The following MARK4 variants were observed in gnomAD, a reference collection of about 807,000 sequenced individuals.
The protein encoded by MARK4 is MAP/microtubule affinity-regulating kinase 4.
MARK4 carries 19 observed loss-of-function variants against 81.5 expected under a neutral mutation model. The ratio of observed to expected loss-of-function variants is 0.23; its 90% CI spans 0.16 to 0.34. The LOEUF (loss-of-function observed/expected upper bound fraction) is 0.34, where lower values mean the gene tolerates loss of function less well. Among genes scored for constraint, MARK4 ranks in the 10% least tolerant of loss-of-function variants. The pLI is 1.00. For missense variants in MARK4, 772 were observed against 1,058.8 expected (o/e 0.73, Z 3.76); for synonymous variants, 436 against 439.0 (o/e 0.99, Z 0.08).
At position 45,277,928 on chromosome 19, in the gene MARK4, G is replaced by A. The variant is rs370759371; in HGVS notation, c.792G>A (p.Leu264=). ...LPFDGHNLKE[L]RERVLRGKYR... is the part of the protein sequence containing the mutation. Reference sequence around the variant, plus strand: ...CAGTAACCCCATCCCTGCAGGAGCTGCGGGAGCGAGTACTCAGAGGGAAGT... The same window carrying A: ...CAGTAACCCCATCCCTGCAGGAGCTACGGGAGCGAGTACTCAGAGGGAAGT... Residue 264 remains leucine, a synonymous_variant, in exon 9 of 17, where the codon CTG becomes CTA. Coordinates refer to ENST00000262891, the MANE Select transcript of MARK4 (RefSeq NM_001199867.2). 3 of 1,612,908 alleles carry A rather than the reference G, an allele frequency of 1.9e-6. No individual in the cohort carries two copies. The highest frequency in any genetic ancestry group is 1.3e-5 in the African/African-American group (1 of 74,786).
intron 14 of MARK4, among the ~76,000 whole-genome samples, chr19:45,294,942 C>G (rs931969440): frequency 6.6e-6 from 1 of 152,112 alleles, no homozygotes; most frequent in Non-Finnish European, 1.5e-5. Flanking sequence ...CACTGCCCCC[C>G]ACCAGGGCTG....
chr19:45,297,156 C>T (rs531989676), intron 14 of MARK4, among the ~76,000 whole-genome samples: 1 of 152,098 alleles, frequency 6.6e-6, no homozygotes, highest in African/African-American at 2.4e-5. Context: ...GGAGGTCTGG[C>T]CCCTGCTGTC....
In MARK4 at chr19:45,301,908, C is replaced by G. The variant is rs146523210; in HGVS notation, c.1923-466C>G. ...GAAAAGGAAAAAGAAATTTCTCATT[C>G]AAACATTCAAACCATGTGGCCAAGC... is the stretch of plus-strand genomic sequence containing the variant. On this transcript the variant is annotated intron_variant, in intron 16 of 16. Coordinates refer to ENST00000262891, the MANE Select transcript of MARK4 (RefSeq NM_001199867.2). Among the ~76,000 whole-genome samples the G allele has an allele frequency of 1.6e-3, 237 of 151,638 alleles. 2 individuals carry two copies. Among genetic ancestry groups the G allele is most frequent in the African/African-American group, 5.4e-3 (224 of 41,360 alleles).
intron 7 of MARK4, among the ~76,000 whole-genome samples, chr19:45,270,287 A>G: frequency 6.6e-6 from 1 of 152,186 alleles, no homozygotes; most frequent in Admixed American, 6.6e-5. Flanking sequence ...TAAAGTTCAC[A>G]CAGCGAGTGA....
At chr19:45,274,675 C>T (rs1970576560) in intron 8 of MARK4, among the ~76,000 whole-genome samples, 2 of 152,162 alleles carry the variant, frequency 1.3e-5, no homozygotes. Flanking sequence ...CTCTGACACT[C>T]CGGCCATAGC....
intron 13 of MARK4, 103 bp from the exon 14 acceptor site, chr19:45,294,246 C>T: frequency 2.8e-6 from 3 of 1,076,706 alleles, no homozygotes; most frequent in East Asian, 2.5e-5. Context: ...CCCACATGAG[C>T]CCCTGACTTA....
Position 45,251,607 on chromosome 19 carries a change from C to G in MARK4, c.19C>G (p.Leu7Val). The G allele has an allele frequency of 8.1e-7, 1 of 1,237,058 alleles. No individual in the cohort carries two copies. Among genetic ancestry groups the G allele is most frequent in the Non-Finnish European group, 1.0e-6 (1 of 969,960 alleles). The allele number at this position is 1,237,058 out of a possible 1,614,324, so 76.6% of individuals were successfully genotyped here. A position where few individuals can be genotyped will look rare whatever the true frequency, so the allele number is the denominator to read the frequency against. Residue 7 changes from leucine (L) to valine (V), a missense_variant, in exon 1 of 17, where the codon CTG becomes GTG. Transcript: ENST00000262891. ...GGAGAAGATGTCTTCGCGGACGGTG[C>G]TGGCCCCGGGCAACGATCGGAACTC... MSSRTV[L>V]APGNDRNSDT...
At position 45,302,786 on chromosome 19, in the gene MARK4, G is replaced by T; in HGVS notation, c.*76G>T. 1 of 1,512,054 alleles carries T rather than the reference G, an allele frequency of 6.6e-7. No homozygotes were observed. The highest frequency in any genetic ancestry group is 8.8e-7 in the Non-Finnish European group (1 of 1,134,810). The allele number at this position is 1,512,054 out of a possible 1,614,324, so 93.7% of individuals were successfully genotyped here. The stretch of plus-strand genomic sequence containing the variant: ...TTCTACAGGAGGGGAAGGGGCCAGG[G>T]AGGGGATTCTCCCTTTATCATCACC... On this transcript the variant is annotated 3_prime_UTR_variant, in exon 17 of 17. Coordinates refer to ENST00000262891, the MANE Select transcript of MARK4 (RefSeq NM_001199867.2). This position sits in a 1 kb window ranked among gnomAD's most constrained non-coding sequence, Gnocchi z 4.9.
Position 45,271,488 on chromosome 19 carries a change from T to C in MARK4, c.566T>C (p.Leu189Pro), listed in dbSNP as rs1392491632. Residue 189 changes from leucine to proline, a missense_variant, in exon 8 of 17, where the codon CTG becomes CCG. By Grantham distance (98) the Leu-to-Pro change is moderately conservative (BLOSUM62 -3). Around this residue, in one of 3 missense-constraint regions of MARK4, gnomAD observed 109 missense variants for 294.7 expected, o/e 0.37. Coordinates refer to ENST00000262891, the MANE Select transcript of MARK4 (RefSeq NM_001199867.2). The surrounding 1 kb of genome is among the most constrained non-coding windows in gnomAD (Gnocchi z 4.1). ...TCCCTGCAGGCTGAGAACCTCTTGC[T>C]GGATGCCGAGGCCAACATCAAGATT... ...HRDLKAENLL[L>P]DAEANIKIAD... 6.2e-7 allele frequency: 1 copy of C among 1,614,198 alleles called. No homozygotes were observed. The highest frequency in any genetic ancestry group is 1.7e-5 in the Admixed American group (1 of 60,026).
intron 15 of MARK4, among the ~76,000 whole-genome samples, chr19:45,298,539 C>T (rs1044026705): frequency 3.9e-5 from 6 of 152,140 alleles, no homozygotes; most frequent in Non-Finnish European, 8.8e-5. Context: ...ATGGACTGAG[C>T]GTAGAACATT....
At position 45,282,229 on chromosome 19, in the gene MARK4, T is replaced by TAAAAAA. The variant is rs767436315; in HGVS notation, c.1276+1506_1276+1511dup. Among the ~76,000 whole-genome samples, 4 of 117,912 alleles carry TAAAAAA rather than the reference T, an allele frequency of 3.4e-5. No homozygotes were observed. In the East Asian group the frequency reaches 9.4e-4, roughly 28 times the overall value. 77.4% of individuals were successfully genotyped at this position (117,912 alleles called of 152,430 possible). The stretch of plus-strand genomic sequence containing the variant: ...CAGAGAGACCTCATCTCAAAAAAAT[T>TAAAAAA]AAAAAAAAAAAAAAAAGGATACACA... On this transcript the variant is annotated intron_variant, in intron 12 of 16. Coordinates refer to ENST00000262891, the MANE Select transcript of MARK4 (RefSeq NM_001199867.2).
intron 12 of MARK4, among the ~76,000 whole-genome samples, chr19:45,281,407 C>G (rs901720665): frequency 1.4e-5 from 2 of 142,618 alleles, no homozygotes; most frequent in East Asian, 4.0e-4. Context: ...GTATCCCAGG[C>G]TGGAGTGCAG....
At chr19:45,287,363 G>T in intron 12 of MARK4, 84 bp from the exon 13 acceptor site, 1 of 958,826 alleles carries the variant, frequency 1.0e-6, no homozygotes, top group South Asian at 2.6e-5. Flanking sequence ...CCCACGTGAG[G>T]AATTCTCAGG....
chr19:45,298,902 C>G (rs1970927659), intron 15 of MARK4, among the ~76,000 whole-genome samples: 1 of 151,686 alleles, frequency 6.6e-6, no homozygotes, highest in African/African-American at 2.4e-5. Flanking sequence ...GTAGCAAGAT[C>G]CTATCTCTAC....
At position 45,265,891 on chromosome 19, in the gene MARK4, CTCAAGG is replaced by C. The variant is rs1470916538; in HGVS notation, c.493-333_493-328del. ...TCTGCCTTGACGCTGCTGTCCTGAA[CTCAAGG>C]GCCATAAGCCCTGGTGAGTTGGGGC... On this transcript the variant is annotated intron_variant, in intron 6 of 16. Transcript: ENST00000262891. Among the ~76,000 whole-genome samples the C allele has an allele frequency of 2.4e-4, 37 of 152,076 alleles. No homozygotes were observed. In the South Asian group the frequency reaches 6.8e-3, roughly 28 times the overall value.
intron 2 of MARK4, among the ~76,000 whole-genome samples, chr19:45,260,733 T>A (rs933135955): frequency 7.9e-5 from 12 of 151,996 alleles, no homozygotes; most frequent in East Asian, 1.9e-4. Context: ...GTAAATAAAT[T>A]AAAAATAAAA....
intron 1 of MARK4, among the ~76,000 whole-genome samples, chr19:45,252,420 C>T (rs898789194): frequency 6.6e-6 from 1 of 152,112 alleles, no homozygotes; most frequent in African/African-American, 2.4e-5. Context: ...TTTCTAGGCC[C>T]TGGACCAGTC....
In MARK4 at chr19:45,271,588, C is replaced by G. The variant is rs141144897; in HGVS notation, c.666C>G (p.Ala222=). The stretch of plus-strand genomic sequence containing the variant: ...CGTTCTGCGGGAGCCCCCCATATGC[C>G]GCCCCGGAGCTGTTTCAGGGCAAGA... ...LDTFCGSPPY[A]APELFQGKKY... Residue 222 remains alanine, a synonymous_variant, in exon 8 of 17, where the codon GCC becomes GCG. Transcript: ENST00000262891. This position sits in a 1 kb window ranked among gnomAD's most constrained non-coding sequence, Gnocchi z 4.1. 1 of 1,614,230 alleles carries G rather than the reference C, an allele frequency of 6.2e-7. No homozygotes were observed. Among genetic ancestry groups the G allele is most frequent in the Non-Finnish European group, 8.5e-7 (1 of 1,180,048 alleles).
At chr19:45,272,928 C>T (rs1970548806) in intron 8 of MARK4, among the ~76,000 whole-genome samples, 2 of 152,150 alleles carry the variant, frequency 1.3e-5, no homozygotes, top group African/African-American at 4.8e-5. Context: ...AATGATTGTG[C>T]AACTCCGTGC....
Sources: allele counts gnomAD v4.1 joint callset (sites outside exome capture counted in the v4.1 genomes callset), GRCh38; gene constraint gnomAD v4.1.1; regional missense constraint gnomAD v4.1.1; non-coding constraint Gnocchi (gnomAD v3.1); transcripts MANE v1.5; gene names NCBI Gene and HGNC (gene_info 2026-07-23, HGNC 2026-07-21).